The following ADAMTS6 variants were observed in gnomAD, a reference collection of about 807,000 sequenced individuals.
ADAMTS6 encodes the protein A disintegrin and metalloproteinase with thrombospondin motifs 6.
Under a neutral mutation model 144.3 loss-of-function variants are expected in ADAMTS6, and 23 were observed. That is an observed-to-expected ratio of 0.16 (90% confidence interval 0.11 to 0.23). The LOEUF is 0.23. ADAMTS6 is among the 10% of genes least tolerant of loss of function. ADAMTS6 has a pLI of 1.00. For missense variants in ADAMTS6, 999 were observed against 1,379.6 expected, an observed-to-expected ratio of 0.72 and a Z score of 4.37; for synonymous variants, 444 against 457.5, an observed-to-expected ratio of 0.97 and a Z score of 0.38.
intron 7 of ADAMTS6, among the ~76,000 whole-genome samples, chr5:65,404,768 T>TA (rs1057032840): frequency 2.6e-5 from 4 of 152,160 alleles, no homozygotes; most frequent in African/African-American, 7.2e-5. Context: ...ACCAACAGTG[T>TA]AAAGTGTTCC....
At chr5:65,385,640 C>G (rs1274005401) in intron 7 of ADAMTS6, among the ~76,000 whole-genome samples, 1 of 151,982 alleles carries the variant, frequency 6.6e-6, no homozygotes, top group Non-Finnish European at 1.5e-5. Context: ...TTGAGCCACT[C>G]TATATGAAGA....
intron 7 of ADAMTS6, among the ~76,000 whole-genome samples, chr5:65,428,032 C>A (rs1756693928): frequency 6.6e-6 from 1 of 151,728 alleles, no homozygotes; most frequent in Non-Finnish European, 1.5e-5. Flanking sequence ...TCAAGACCAG[C>A]CTGGCCAACA....
Position 65,260,650 on chromosome 5 carries a change from C to T in ADAMTS6, c.1780G>A (p.Gly594Arg). ...HCDSPAPSGG[G>R]KYCLGERKRY... ...TTCCTTTCCCCAAGGCAATATTTTC[C>T]ACCTCCTGAAGGTCTGAAAAAACAT... Residue 594 changes from glycine to arginine, a missense_variant, in exon 14 of 25, where the codon GGA becomes AGA. This residue lies in a region of ADAMTS6 where 619 missense variants were observed against 837.0 expected (regional missense o/e 0.74). Coordinates refer to ENST00000381055, the MANE Select transcript of ADAMTS6 (RefSeq NM_197941.4). The T allele has an allele frequency of 4.3e-6, 7 of 1,613,324 alleles. No homozygotes were observed. Among genetic ancestry groups the T allele is most frequent in the Non-Finnish European group, 4.2e-6 (5 of 1,179,678 alleles).
At chr5:65,333,919 G>T in intron 8 of ADAMTS6, 123 bp downstream of exon 8, 1 of 1,078,074 alleles carries the variant, frequency 9.3e-7, no homozygotes, top group Non-Finnish European at 1.2e-6. Flanking sequence ...CAGATGTACA[G>T]AAAGGAAAAT....
At position 65,472,742 on chromosome 5, in the gene ADAMTS6, C is replaced by A. The variant is rs575110884; in HGVS notation, c.97+835G>T. 3.3e-5 allele frequency among the ~76,000 whole-genome samples: 5 copies of A among 152,212 alleles called. No homozygotes were observed. The South Asian group carries it at 1.0e-3, about 32-fold the overall frequency. ...AACCATAACCAAATGTAAATAAATT[C>A]AAAGACAGTGTTTATTTCACTTCTT... On this transcript the variant is annotated intron_variant, in intron 2 of 24. Transcript: ENST00000381055.
At chr5:65,428,820 CTTAA>C (rs1313099345) in intron 7 of ADAMTS6, among the ~76,000 whole-genome samples, 2 of 152,022 alleles carry the variant, frequency 1.3e-5, no homozygotes, top group Non-Finnish European at 1.5e-5. Context: ...TCTCACTAGA[CTTAA>C]TTAAGGACCA....
intron 22 of ADAMTS6, among the ~76,000 whole-genome samples, chr5:65,178,906 A>G (rs1400237587): frequency 6.6e-6 from 1 of 152,214 alleles, no homozygotes; most frequent in African/African-American, 2.4e-5. Context: ...CCAGTTGAAC[A>G]TAACTGTGTA....
intron 3 of ADAMTS6, among the ~76,000 whole-genome samples, chr5:65,464,837 A>G (rs1182602564): frequency 1.3e-5 from 2 of 152,000 alleles, no homozygotes; most frequent in Non-Finnish European, 2.9e-5. Flanking sequence ...TAATATGCCA[A>G]CTCCAAGGGA....
At chr5:65,210,620 T>A (rs954276488) in intron 20 of ADAMTS6, 37 of 609,668 alleles carry the variant, frequency 6.1e-5, no homozygotes, top group Non-Finnish European at 1.0e-4. Flanking sequence ...AAGGAAGCTA[T>A]GGATGGAGGC....
At chr5:65,457,989 T>G (rs1004064249) in intron 4 of ADAMTS6, among the ~76,000 whole-genome samples, 1 of 152,096 alleles carries the variant, frequency 6.6e-6, no homozygotes, top group African/African-American at 2.4e-5. Context: ...CTTCCCAAAG[T>G]GCTGGGATTA....
At chr5:65,463,498 G>A (rs766590276) in intron 3 of ADAMTS6, among the ~76,000 whole-genome samples, 26 of 152,122 alleles carry the variant, frequency 1.7e-4, no homozygotes, top group Non-Finnish European at 2.8e-4. Flanking sequence ...ATGCATGCCT[G>A]GCAAAAGCCT....
chr5:65,462,120 AATAAC>A (rs1413372823), intron 3 of ADAMTS6, among the ~76,000 whole-genome samples: 1 of 152,230 alleles, frequency 6.6e-6, no homozygotes, highest in Non-Finnish European at 1.5e-5. Context: ...TACTGGCAGA[AATAAC>A]ATAATATGCC....
intron 11 of ADAMTS6, among the ~76,000 whole-genome samples, chr5:65,286,561 T>G (rs1181623675): frequency 6.6e-6 from 1 of 152,206 alleles, no homozygotes; most frequent in Non-Finnish European, 1.5e-5. Context: ...AGCTATGATG[T>G]CTATAAAATT....
intron 7 of ADAMTS6, among the ~76,000 whole-genome samples, chr5:65,408,225 C>A: frequency 6.6e-6 from 1 of 152,070 alleles, no homozygotes; most frequent in East Asian, 1.9e-4. Flanking sequence ...AGAGTCAAAA[C>A]CCATCAGTGT....
chr5:65,269,790 C>CCTTTTTTT (rs1561355788), intron 12 of ADAMTS6, among the ~76,000 whole-genome samples: 3 of 133,214 alleles, frequency 2.3e-5, no homozygotes, highest in Non-Finnish European at 4.9e-5. Context: ...AGTGTAAGTA[C>CCTTTTTTT]TTTTTTTTTT....
chr5:65,441,832 CAA>C (rs34446676), intron 7 of ADAMTS6, among the ~76,000 whole-genome samples: 130 of 100,532 alleles, frequency 1.3e-3, no homozygotes, highest in Non-Finnish European at 1.5e-3. Flanking sequence ...AGCCATGGGT[CAA>C]AAAAAAAAAA....
intron 15 of ADAMTS6, among the ~76,000 whole-genome samples, chr5:65,231,373 C>T (rs1031926995): frequency 1.3e-5 from 2 of 151,910 alleles, no homozygotes; most frequent in Non-Finnish European, 2.9e-5. Flanking sequence ...CATTGGAATA[C>T]CTAAATATAT....
chr5:65,446,408 GCAAA>G (rs747536734), intron 7 of ADAMTS6, among the ~76,000 whole-genome samples: 2 of 152,104 alleles, frequency 1.3e-5, no homozygotes, highest in African/African-American at 4.8e-5. Context: ...CAGCACCAAA[GCAAA>G]CAGTCATGAC....
chr5:65,279,690 G>A (rs918516246), intron 11 of ADAMTS6, among the ~76,000 whole-genome samples: 9 of 152,002 alleles, frequency 5.9e-5, no homozygotes, highest in Non-Finnish European at 1.3e-4. Flanking sequence ...GTCTTTCTTT[G>A]ATTCTAAAAA....
Sources: gnomAD v4.1 joint callset for allele counts (sites outside exome capture counted in the v4.1 genomes callset) on GRCh38, gnomAD v4.1.1 for gene constraint, gnomAD v4.1.1 regional missense constraint, MANE v1.5 for transcripts, NCBI Gene and HGNC (gene_info 2026-07-23, HGNC 2026-07-21) for gene names.